UBE2K: variants seen among roughly 807,000 people sequenced by gnomAD.
The protein encoded by UBE2K is ubiquitin conjugating enzyme E2 K.
UBE2K carries 6 observed loss-of-function variants against 30.0 expected under a neutral mutation model. The ratio of observed to expected loss-of-function variants is 0.20; its 90% CI spans 0.11 to 0.39. UBE2K has a LOEUF of 0.39. UBE2K is among the 10% of genes least tolerant of loss of function. UBE2K has a pLI of 1.00. For missense variants in UBE2K, 61 were observed against 241.6 expected, an observed-to-expected ratio of 0.25 and a Z score of 4.96; for synonymous variants, 86 against 83.7, an observed-to-expected ratio of 1.03 and a Z score of -0.15.
At chr4:39,759,428 T>C (rs1224369424) in intron 4 of UBE2K, among the ~76,000 whole-genome samples, 12 of 152,182 alleles carry the variant, frequency 7.9e-5, no homozygotes, top group East Asian at 3.9e-4. Flanking sequence ...ATTACAGGCA[T>C]GTGCCACCAC....
rs58339883 is a variant in UBE2K, at chr4:39,781,456, A to C, written c.*3022A>C. The C allele has an allele frequency of 0.1, 15,897 of 152,920 alleles. 1,093 individuals carry two copies. The highest frequency in any genetic ancestry group is 0.22 in the East Asian group (1,163 of 5,198). 9.5% of individuals were successfully genotyped at this position (152,920 alleles called of 1,614,324 possible). A position where few individuals can be genotyped will look rare whatever the true frequency, so the allele number is the denominator to read the frequency against. ...CGGATTTTGCTTATTTATGCACTAC[A>C]GAATGCAGCATACTGTATTACTGTT... On this transcript the variant is annotated 3_prime_UTR_variant, in exon 7 of 7. Coordinates refer to ENST00000261427, the MANE Select transcript of UBE2K (RefSeq NM_005339.5).
rs1713460379 is a variant in UBE2K at position 39,779,175 on chromosome 4, T to C, written c.*741T>C. The C allele has an allele frequency of 6.6e-6, 1 of 152,130 alleles. No individual in the cohort carries two copies. Among genetic ancestry groups the C allele is most frequent in the Non-Finnish European group, 1.5e-5 (1 of 68,028 alleles). 9.4% of individuals were successfully genotyped at this position (152,130 alleles called of 1,614,324 possible). On this transcript the variant is annotated 3_prime_UTR_variant, in exon 7 of 7. Coordinates refer to ENST00000261427, the MANE Select transcript of UBE2K (RefSeq NM_005339.5). ...TTTAGGTCGTAGGTTTGGAATGTCTTGTCCCAGTTCTTCAAACACTCTTAA... is the reference window on the plus strand; with the variant it reads ...TTTAGGTCGTAGGTTTGGAATGTCTCGTCCCAGTTCTTCAAACACTCTTAA...
chr4:39,731,915 A>G (rs568179847), intron 1 of UBE2K, among the ~76,000 whole-genome samples: 31 of 152,318 alleles, frequency 2.0e-4, no homozygotes, highest in Middle Eastern at 3.4e-3. Context: ...TTTTATATCA[A>G]TAAGAATTAC....
At chr4:39,740,452 G>A (rs1414218960) in intron 2 of UBE2K, among the ~76,000 whole-genome samples, 1 of 151,682 alleles carries the variant, frequency 6.6e-6, no homozygotes, top group Non-Finnish European at 1.5e-5. Context: ...TGAGGCAGGA[G>A]AATGGCGTGA....
intron 1 of UBE2K, among the ~76,000 whole-genome samples, chr4:39,711,633 AAG>A (rs1304780565): frequency 3.9e-5 from 6 of 152,014 alleles, no homozygotes; most frequent in African/African-American, 1.2e-4. Flanking sequence ...GGGAACATGT[AAG>A]AGTTTTTCTA....
chr4:39,773,937 AAACT>A (rs1381004271), intron 4 of UBE2K, among the ~76,000 whole-genome samples: 3 of 151,986 alleles, frequency 2.0e-5, no homozygotes, highest in Non-Finnish European at 2.9e-5. Flanking sequence ...AAACTAAACT[AAACT>A]AACAAGAAGG....
At position 39,715,265 on chromosome 4, in the gene UBE2K, T is replaced by C. The variant is rs529411470; in HGVS notation, c.63+16875T>C. Among the ~76,000 whole-genome samples, 8 of 151,906 alleles carry C rather than the reference T, an allele frequency of 5.3e-5. No individual in the cohort carries two copies. The East Asian group carries it at 1.2e-3, about 22-fold the overall frequency. Reference sequence around the variant, plus strand: ...AGATGGTCTCAATCTCCTGACCTCGTGATCCACCTGCCTCGGCCTCCCAAA... The same window carrying C: ...AGATGGTCTCAATCTCCTGACCTCGCGATCCACCTGCCTCGGCCTCCCAAA... On this transcript the variant is annotated intron_variant, in intron 1 of 6. Transcript: ENST00000261427.
chr4:39,710,499 G>A (rs1009141956), intron 1 of UBE2K, among the ~76,000 whole-genome samples: 8 of 151,962 alleles, frequency 5.3e-5, no homozygotes, highest in African/African-American at 1.7e-4. Flanking sequence ...AGACTCCTGG[G>A]CTCAAGCAGT....
intron 1 of UBE2K, among the ~76,000 whole-genome samples, chr4:39,723,793 G>A (rs529717621): frequency 6.7e-6 from 1 of 149,474 alleles, no homozygotes; most frequent in African/African-American, 2.4e-5. Flanking sequence ...AATGGGTACT[G>A]TACAATTAAT....
At chr4:39,771,201 G>T in intron 4 of UBE2K, 1 of 1,612,944 alleles carries the variant, frequency 6.2e-7, no homozygotes, top group Non-Finnish European at 8.5e-7. Context: ...CGGCCACGAT[G>T]CGTGCACTGT....
chr4:39,767,690 A>G (rs1432563185), intron 4 of UBE2K, among the ~76,000 whole-genome samples: 1 of 152,154 alleles, frequency 6.6e-6, no homozygotes, highest in Non-Finnish European at 1.5e-5. Flanking sequence ...TACCTATGTG[A>G]TAGTATGAAG....
chr4:39,743,798 TAA>T (rs1425212720), intron 2 of UBE2K, among the ~76,000 whole-genome samples: 4 of 152,216 alleles, frequency 2.6e-5, no homozygotes, highest in East Asian at 3.8e-4. Flanking sequence ...ATCTTAGAGT[TAA>T]GAGTTGAATC....
At chr4:39,772,828 C>T (rs1712991962) in intron 4 of UBE2K, among the ~76,000 whole-genome samples, 1 of 151,728 alleles carries the variant, frequency 6.6e-6, no homozygotes, top group African/African-American at 2.4e-5. Flanking sequence ...GCTGGGATTA[C>T]AGGCACATGC....
chr4:39,742,583 A>C (rs1029400243), intron 2 of UBE2K, among the ~76,000 whole-genome samples: 2 of 152,106 alleles, frequency 1.3e-5, no homozygotes, highest in Admixed American at 1.3e-4. Flanking sequence ...CTTAAAAAAA[A>C]ATTAAAAAAT....
At chr4:39,777,018 A>C (rs1028584605) in intron 5 of UBE2K, among the ~76,000 whole-genome samples, 1 of 152,236 alleles carries the variant, frequency 6.6e-6, no homozygotes, top group Non-Finnish European at 1.5e-5. Flanking sequence ...AAGAAATATT[A>C]AAGTGAATTG....
chr4:39,767,629 T>C (rs1712433588), intron 4 of UBE2K, among the ~76,000 whole-genome samples: 2 of 152,170 alleles, frequency 1.3e-5, no homozygotes, highest in African/African-American at 4.8e-5. Context: ...GGCCCAGGAT[T>C]ATCAGTTTTC....
chr4:39,739,534 C>T (rs1215489890), intron 2 of UBE2K, among the ~76,000 whole-genome samples: 1 of 148,040 alleles, frequency 6.8e-6, no homozygotes, highest in African/African-American at 2.5e-5. Context: ...GCAACCTCCG[C>T]CTCCCGGGTT....
rs1345622445 is a variant in UBE2K, at chr4:39,777,771, CA to C, written c.496del (p.Ile166Ter). The C allele has an allele frequency of 1.4e-5, 21 of 1,544,786 alleles. No homozygotes were observed. Among genetic ancestry groups the C allele is most frequent in the Admixed American group, 9.2e-5 (4 of 43,530 alleles). ...GAPVSSPEYT[K>X]KIENLCAMGF... ...CACCAGTTTCTAGTCCAGAATACAC[CA>C]AAAAAATAGAAAACCTATGTGCTAT... On this transcript the variant is annotated frameshift_variant, in exon 6 of 7. Coordinates refer to ENST00000261427, the MANE Select transcript of UBE2K (RefSeq NM_005339.5). LOFTEE classifies it high-confidence loss of function.
chr4:39,698,194 G>C lies in UBE2K; in HGVS notation c.-134G>C, dbSNP rs1054791329. The C allele has an allele frequency of 5.8e-6, 5 of 863,584 alleles. No individual in the cohort carries two copies. The highest frequency in any genetic ancestry group is 2.6e-5 in the East Asian group (1 of 37,812). 53.5% of individuals were successfully genotyped at this position (863,584 alleles called of 1,614,324 possible). A position where few individuals can be genotyped will look rare whatever the true frequency, so the allele number is the denominator to read the frequency against. On this transcript the variant is annotated 5_prime_UTR_variant, in exon 1 of 7. Coordinates refer to ENST00000261427, the MANE Select transcript of UBE2K (RefSeq NM_005339.5). Reference sequence around the variant, plus strand: ...ACACTGAGGCGAGCGCGGCGGCCGGGGTGGTAGTGGCAGTGTTCGTGTGCT... The same window carrying C: ...ACACTGAGGCGAGCGCGGCGGCCGGCGTGGTAGTGGCAGTGTTCGTGTGCT...
Sources: allele counts gnomAD v4.1 joint callset (sites outside exome capture counted in the v4.1 genomes callset), GRCh38; gene constraint gnomAD v4.1.1; transcripts MANE v1.5; gene names NCBI Gene and HGNC (gene_info 2026-07-23, HGNC 2026-07-21).